Variants in ART3 observed in about 807,000 individuals in gnomAD.
The protein encoded by ART3 is ecto-ADP-ribosyltransferase 3.
In ART3, 49 loss-of-function variants were observed where a neutral mutation model predicts 48.5. That is an observed-to-expected ratio of 1.01 (90% CI 0.80 to 1.28). ART3 has a LOEUF of 1.28. Among genes scored for constraint, ART3 ranks in the 50% most tolerant of loss-of-function variants. The probability of loss-of-function intolerance (pLI) is 0.00; values close to 1 mark genes in which losing one functional copy is unlikely to be tolerated. For missense variants in ART3, 438 were observed against 454.3 expected (o/e 0.96, Z 0.33); for synonymous variants, 145 against 157.2 (o/e 0.92, Z 0.58).
At chr4:76,041,532 A>G (rs1316496443) in intron 1 of ART3, 1 of 152,224 alleles carries the variant, frequency 6.6e-6, no homozygotes, top group African/African-American at 2.4e-5. Context: ...ACATAATTTT[A>G]AATATTCCAA....
At chr4:76,025,811 CT>C (rs1733325950) in intron 1 of ART3, among the ~76,000 whole-genome samples, 2 of 152,134 alleles carry the variant, frequency 1.3e-5, no homozygotes, top group South Asian at 4.1e-4. Flanking sequence ...GACACCTTGA[CT>C]GTGTTCAGAT....
intron 1 of ART3, chr4:76,058,162 A>G (rs1718863465): frequency 6.6e-6 from 1 of 152,208 alleles, no homozygotes; most frequent in Admixed American, 6.5e-5. Flanking sequence ...ATTTAACCAA[A>G]TTCTGCAGTT....
intron 6 of ART3, 46 bp from the exon 7 acceptor site, chr4:76,100,749 C>A (rs780573978): frequency 3.1e-6 from 5 of 1,595,896 alleles, no homozygotes; most frequent in Middle Eastern, 1.7e-4. Flanking sequence ...ACTGCCAATT[C>A]TTTTGTTCCT....
rs184949721 is a variant in ART3 at position 76,047,726 on chromosome 4, C to T, written c.-9-28155C>T. Among the ~76,000 whole-genome samples the T allele has an allele frequency of 3.3e-5, 5 of 152,038 alleles. No homozygotes were observed. In the East Asian group the frequency reaches 9.7e-4, roughly 29 times the overall value. ...TTTGTCCCTTTCTTCAGCTGTCATT[C>T]CATCATTTACTTGACTAAGATACCG... On this transcript the variant is annotated intron_variant, in intron 1 of 9. Transcript: ENST00000341029.
At position 76,048,663 on chromosome 4, in the gene ART3, A is replaced by G. The variant is rs547485191; in HGVS notation, c.-9-27218A>G. Among the ~76,000 whole-genome samples the G allele has an allele frequency of 2.1e-3, 326 of 152,046 alleles. 6 individuals are homozygous for G. Among genetic ancestry groups the G allele is most frequent in the Admixed American group, 3.6e-3 (55 of 15,268 alleles). ...CTGATCAGAATAGTTGTGCTCACTGACGCAGCAGCGGAAACACTAGTTTTC... is the reference window on the plus strand; with the variant it reads ...CTGATCAGAATAGTTGTGCTCACTGGCGCAGCAGCGGAAACACTAGTTTTC... On this transcript the variant is annotated intron_variant, in intron 1 of 9. Transcript: ENST00000341029.
chr4:76,077,270 A>G (rs140004368), intron 2 of ART3, among the ~76,000 whole-genome samples: 4 of 152,196 alleles, frequency 2.6e-5, no homozygotes, highest in African/African-American at 9.7e-5. Context: ...CCTAAATGGA[A>G]TCATACAATA....
intron 1 of ART3, among the ~76,000 whole-genome samples, chr4:76,043,413 C>T (rs955200293): frequency 4.6e-5 from 7 of 152,004 alleles, no homozygotes; most frequent in Non-Finnish European, 1.0e-4. Context: ...TCAGGCATGG[C>T]GGGCTGCAGG....
chr4:76,076,034 C>T, intron 2 of ART3, 76 bp downstream of exon 2: 1 of 1,326,676 alleles, frequency 7.5e-7, no homozygotes, highest in South Asian at 1.3e-5. Context: ...CGGAGTCTCT[C>T]TCTGTCGCCC....
chr4:76,097,241 G>C (rs1726213214), intron 3 of ART3, among the ~76,000 whole-genome samples: 1 of 151,956 alleles, frequency 6.6e-6, no homozygotes, highest in Non-Finnish European at 1.5e-5. Flanking sequence ...GTCTCACTCT[G>C]TCACCCAGGC....
intron 1 of ART3, among the ~76,000 whole-genome samples, chr4:76,063,555 T>G (rs2149485434): frequency 6.6e-6 from 1 of 152,260 alleles, no homozygotes; most frequent in East Asian, 1.9e-4. Context: ...ATCCTGAATT[T>G]TGTTGAAAAA....
chr4:76,020,800 G>C (rs1005322189), intron 1 of ART3, among the ~76,000 whole-genome samples: 2 of 152,090 alleles, frequency 1.3e-5, no homozygotes, highest in African/African-American at 2.4e-5. Context: ...GCTGCAGTGA[G>C]CTATGATTGC....
Position 76,112,509 on chromosome 4 carries a change from T to A in ART3, c.1160T>A (p.Val387Asp). 1 of 1,613,426 alleles carries A rather than the reference T, an allele frequency of 6.2e-7. No homozygotes were observed. The highest frequency in any genetic ancestry group is 2.2e-5 in the East Asian group (1 of 44,832). The change falls in exon 12 of 12, where the codon GTT becomes GAT. Residue 387 changes from valine (V) to aspartate (D), a missense_variant. Physicochemically the swap from Val to Asp is radical, Grantham distance 152. Around this residue, in one of 3 missense-constraint regions of ART3, gnomAD observed 227 missense variants for 229.6 expected, o/e 0.99. Coordinates refer to ENST00000355810, the MANE Select transcript of ART3 (RefSeq NM_001130016.3). ...LISVSAINLF[V>D]AL ...AGTGTTTCTGCTATAAATCTCTTTG[T>A]TGCTCTGTAGTTTGATGCATTGTTT...
chr4:76,013,302 G>A (rs1731970094), intron 1 of ART3, among the ~76,000 whole-genome samples: 1 of 152,116 alleles, frequency 6.6e-6, no homozygotes, highest in South Asian at 2.1e-4. Flanking sequence ...GGACGGTAGA[G>A]TGAATAATGG....
Position 76,037,326 on chromosome 4 carries a change from A to G in ART3, c.-10+26006A>G, listed in dbSNP as rs545442191. ...ATGTTTAAGAAAATCATATCAAAGGAGCTTTCTAATGGGTAAGCTTAATAA... is the reference window on the plus strand; with the variant it reads ...ATGTTTAAGAAAATCATATCAAAGGGGCTTTCTAATGGGTAAGCTTAATAA... On this transcript the variant is annotated intron_variant, in intron 1 of 9. Coordinates refer to the ART3 transcript ENST00000341029. Among the ~76,000 whole-genome samples the G allele has an allele frequency of 8.5e-5, 13 of 152,304 alleles. 1 individual carries two copies. The South Asian group carries it at 2.3e-3, about 27-fold the overall frequency.
chr4:76,023,059 T>C (rs1483194539), intron 1 of ART3, among the ~76,000 whole-genome samples: 1 of 152,226 alleles, frequency 6.6e-6, no homozygotes, highest in Non-Finnish European at 1.5e-5. Context: ...ATGTGGTTCA[T>C]TGAGCTTAGT....
Position 76,104,630 on chromosome 4 carries a change from G to GT in ART3, c.1003+2dup. The GT allele has an allele frequency of 1.9e-6, 3 of 1,551,492 alleles. No individual in the cohort carries two copies. Among genetic ancestry groups the GT allele is most frequent in the Non-Finnish European group, 2.6e-6 (3 of 1,146,864 alleles). ...ATTCCAGAACCTTTTCCACTACCTGGTAAGCAACTGATAGGCATGCCAGAG... is the reference window on the plus strand; with the variant it reads ...ATTCCAGAACCTTTTCCACTACCTGGTTAAGCAACTGATAGGCATGCCAGAG... On this transcript the variant is annotated splice_donor_variant, in intron 10 of 11. Coordinates refer to ENST00000355810, the MANE Select transcript of ART3 (RefSeq NM_001130016.3). LOFTEE classifies it high-confidence loss of function.
chr4:76,108,928 G>T (rs776255619), intron 11 of ART3, among the ~76,000 whole-genome samples: 1 of 152,264 alleles, frequency 6.6e-6, no homozygotes, highest in East Asian at 1.9e-4. Flanking sequence ...AATGGTACAG[G>T]TGTATAGGGC....
At chr4:76,034,415 G>A (rs1305940417) in intron 1 of ART3, 1 of 468,990 alleles carries the variant, frequency 2.1e-6, no homozygotes, top group African/African-American at 2.0e-5. Context: ...ATAGTTGTAA[G>A]CATCAAATCT....
Position 76,082,401 on chromosome 4 carries a change from A to T in ART3, c.647A>T (p.Asp216Val). Residue 216 changes from aspartate to valine, a missense_variant, in exon 3 of 12, where the codon GAT becomes GTT. Coordinates refer to ENST00000355810, the MANE Select transcript of ART3 (RefSeq NM_001130016.3). ...GGAGTTGACATTGAAAATTTTCTTG[A>T]TAAAGAAAGTGAAAGAATTACTTTA... ...CLGVDIENFL[D>V]KESERITLIP... The T allele has an allele frequency of 6.2e-7, 1 of 1,614,150 alleles. No individual in the cohort carries two copies. Among genetic ancestry groups the T allele is most frequent in the Non-Finnish European group, 8.5e-7 (1 of 1,180,036 alleles).
Sources: allele counts gnomAD v4.1 joint callset (sites outside exome capture counted in the v4.1 genomes callset), GRCh38; gene constraint gnomAD v4.1.1; regional missense constraint gnomAD v4.1.1; transcripts MANE v1.5; gene names NCBI Gene and HGNC (gene_info 2026-07-23, HGNC 2026-07-21).